DOCK9: variants seen among roughly 807,000 people sequenced by gnomAD.
DOCK9 encodes dedicator of cytokinesis protein 9.
In DOCK9, 89 loss-of-function variants were observed where a neutral mutation model predicts 263.3. The observed-to-expected ratio is 0.34, with a 90% CI of 0.28 to 0.40. The LOEUF (loss-of-function observed/expected upper bound fraction) is 0.40. Among genes scored for constraint, DOCK9 ranks in the 10% least tolerant of loss-of-function variants. The pLI, the probability that DOCK9 is intolerant of heterozygous loss-of-function variation, is 1.00. For synonymous variants in DOCK9, 976 were observed against 973.1 expected (o/e 1.00, Z -0.06); for missense variants, 2,140 against 2,603.4 (o/e 0.82, Z 3.87).
At position 98,874,386 on chromosome 13, in the gene DOCK9, T is replaced by C. The variant is rs2094272597; in HGVS notation, c.2943+5512A>G. Among the ~76,000 whole-genome samples, 4 of 152,256 alleles carry C rather than the reference T, an allele frequency of 2.6e-5. No homozygotes were observed. The South Asian group carries it at 6.2e-4, about 24-fold the overall frequency. On this transcript the variant is annotated intron_variant, in intron 27 of 52. Transcript: ENST00000682017. Reference sequence around the variant, plus strand: ...AGTTACCACAATTTGTGTATCCATTTACCAGCTGATGGTCATTTGGGTTGT... The same window carrying C: ...AGTTACCACAATTTGTGTATCCATTCACCAGCTGATGGTCATTTGGGTTGT...
At chr13:99,010,515 C>A (rs1456244986) in intron 1 of DOCK9, among the ~76,000 whole-genome samples, 2 of 152,200 alleles carry the variant, frequency 1.3e-5, no homozygotes, top group Non-Finnish European at 2.9e-5. Context: ...ACTCAGCACA[C>A]ATAAGCAATC....
At chr13:98,826,031 C>T (rs2092521178) in intron 44 of DOCK9, 2 of 1,043,304 alleles carry the variant, frequency 1.9e-6, no homozygotes, top group Non-Finnish European at 2.6e-6. Context: ...CAAAATTTTT[C>T]TCTTTGGGGC....
chr13:98,952,919 T>G (rs1037025836), intron 2 of DOCK9, among the ~76,000 whole-genome samples: 1 of 152,210 alleles, frequency 6.6e-6, no homozygotes, highest in African/African-American at 2.4e-5. Flanking sequence ...CTAACCAACT[T>G]GGTATTACTT....
In DOCK9 at chr13:98,798,598, G is replaced by T. The variant is rs918985905; in HGVS notation, c.5917-1109C>A. ...TATTTGAAGAAGATAGAAAGAGGAA[G>T]GCTGATGAGACTCCATAAGGTCTAA... On this transcript the variant is annotated intron_variant, in intron 50 of 52. Transcript: ENST00000682017. Among the ~76,000 whole-genome samples the T allele has an allele frequency of 6.6e-5, 10 of 152,202 alleles. 1 individual carries two copies. Among genetic ancestry groups the T allele is most frequent in the African/African-American group, 1.2e-4 (5 of 41,454 alleles).
intron 1 of DOCK9, among the ~76,000 whole-genome samples, chr13:99,008,228 A>ATTTTTT (rs1355762469): frequency 8.5e-6 from 1 of 118,046 alleles, no homozygotes; most frequent in African/African-American, 3.3e-5. Flanking sequence ...ATATATATAT[A>ATTTTTT]TATATATTTT....
chr13:99,048,467 A>G (rs951130206), intron 1 of DOCK9, among the ~76,000 whole-genome samples: 8 of 152,252 alleles, frequency 5.3e-5, no homozygotes, highest in Non-Finnish European at 1.0e-4. Flanking sequence ...TAACAAGCAC[A>G]TAACTAAAAA....
intron 45 of DOCK9, among the ~76,000 whole-genome samples, chr13:98,817,450 G>GTTTTTTTTT (rs1566586388): frequency 1.4e-4 from 3 of 21,466 alleles, no homozygotes; most frequent in South Asian, 2.6e-3. Flanking sequence ...AATACACCCA[G>GTTTTTTTTT]CTTTTTTTTT....
At position 98,905,553 on chromosome 13, in the gene DOCK9, C is replaced by T. The variant is rs191049758; in HGVS notation, c.961-847G>A. 2.6e-5 allele frequency among the ~76,000 whole-genome samples: 4 copies of T among 151,726 alleles called. No individual in the cohort carries two copies. In the East Asian group the frequency reaches 5.8e-4, roughly 22 times the overall value. The stretch of plus-strand genomic sequence containing the variant: ...GGGACAAGTCACACCTGAGCAATGA[C>T]CAAGTCACTCATCATAACTGAAAGG... On this transcript the variant is annotated intron_variant, in intron 9 of 52. Transcript: ENST00000682017.
chr13:99,053,277 A>C (rs1595992940), intron 1 of DOCK9, among the ~76,000 whole-genome samples: 1 of 152,228 alleles, frequency 6.6e-6, no homozygotes, highest in East Asian at 1.9e-4. Context: ...AAGCCTATAC[A>C]AATTTGCAGG....
Position 98,868,219 on chromosome 13 carries a change from G to A in DOCK9, c.3090+12C>T. On this transcript the variant is annotated intron_variant, in intron 28 of 52. Transcript: ENST00000682017. ...TCCCATAACTGATATCCTCTTCCCT[G>A]GAGGTCCCCACCTTGATGAAGACAG... 1 of 1,613,440 alleles carries A rather than the reference G, an allele frequency of 6.2e-7. No homozygotes were observed. Among genetic ancestry groups the A allele is most frequent in the Non-Finnish European group, 8.5e-7 (1 of 1,179,664 alleles).
chr13:98,820,344 C>G (rs970654713), intron 45 of DOCK9, among the ~76,000 whole-genome samples: 4 of 152,166 alleles, frequency 2.6e-5, no homozygotes, highest in African/African-American at 9.7e-5. Flanking sequence ...CCAACAAAAT[C>G]CACACAAATG....
intron 1 of DOCK9, among the ~76,000 whole-genome samples, chr13:99,085,825 G>C (rs1378651156): frequency 7.2e-6 from 1 of 138,280 alleles, no homozygotes; most frequent in Non-Finnish European, 1.6e-5. Context: ...CCAAAACATG[G>C]AAGGAGAGGG....
intron 47 of DOCK9, chr13:98,809,032 A>T (rs896697658): frequency 1.5e-5 from 22 of 1,457,920 alleles, no homozygotes; most frequent in Non-Finnish European, 9.1e-7. Flanking sequence ...ATAACTAGAC[A>T]GATAAACATA....
At chr13:98,985,042 C>A (rs933801358) in intron 1 of DOCK9, among the ~76,000 whole-genome samples, 1 of 129,232 alleles carries the variant, frequency 7.7e-6, no homozygotes, top group African/African-American at 3.0e-5. Flanking sequence ...AGAACTATAA[C>A]GTGCTATCAG....
intron 18 of DOCK9, among the ~76,000 whole-genome samples, chr13:98,887,141 A>ATTT (rs1335567169): frequency 9.6e-4 from 57 of 59,552 alleles, no homozygotes; most frequent in East Asian, 2.9e-3. Context: ...ATATATATAT[A>ATTT]TATTTTTTTT....
intron 45 of DOCK9, among the ~76,000 whole-genome samples, chr13:98,817,126 G>A (rs1293896586): frequency 3.3e-5 from 5 of 152,154 alleles, no homozygotes; most frequent in African/African-American, 4.8e-5. Context: ...AGGCTTTCAG[G>A]TATATTTTAA....
chr13:99,067,380 T>C (rs936942039), intron 1 of DOCK9, among the ~76,000 whole-genome samples: 17 of 152,350 alleles, frequency 1.1e-4, no homozygotes, highest in African/African-American at 3.6e-4. Context: ...CAAGATCTGC[T>C]AAGATCCTCA....
rs557185172 is a variant in DOCK9, at chr13:98,865,089, C to G, written c.3287-1541G>C. Among the ~76,000 whole-genome samples, 207 of 152,264 alleles carry G rather than the reference C, an allele frequency of 1.4e-3. 6 individuals are homozygous for G. The South Asian group carries it at 0.042, about 31-fold the overall frequency. On this transcript the variant is annotated intron_variant, in intron 30 of 52. Transcript: ENST00000682017. ...ATTTTTTTTGAGAGAGGGTCTTGCT[C>G]TGTTGCTCAGGCTGGAGTGCCGTGG...
In DOCK9 at chr13:98,900,553, G is replaced by C. The variant is rs1485444944; in HGVS notation, c.1503+1225C>G. On this transcript the variant is annotated intron_variant, in intron 13 of 52. Coordinates refer to ENST00000682017, the MANE Select transcript of DOCK9 (RefSeq NM_001366683.2). ...GGAACCAATGTGCCTGGGTAAATGG[G>C]CTTTTACTTGACTGGGGCTGTAATA... is the stretch of plus-strand genomic sequence containing the variant. 3.3e-5 allele frequency among the ~76,000 whole-genome samples: 5 copies of C among 152,212 alleles called. No individual in the cohort carries two copies. In the South Asian group the frequency reaches 6.2e-4, roughly 19 times the overall value.
Sources: allele counts gnomAD v4.1 joint callset (sites outside exome capture counted in the v4.1 genomes callset), GRCh38; gene constraint gnomAD v4.1.1; transcripts MANE v1.5; gene names NCBI Gene and HGNC (gene_info 2026-07-23, HGNC 2026-07-21).